Variants in LRP11 observed in about 807,000 individuals in gnomAD.
LRP11 encodes the protein LDL receptor related protein 11.
In LRP11, 25 loss-of-function variants were observed where a neutral mutation model predicts 43.1. The ratio of observed to expected loss-of-function variants is 0.58; its 90% CI spans 0.42 to 0.81. The LOEUF is 0.81. Ranked by LOEUF, LRP11 falls within the 30% of genes least tolerant of loss-of-function variation. LRP11 has a pLI of 0.00. For missense variants in LRP11, 623 were observed against 665.1 expected (o/e 0.94, Z 0.70); for synonymous variants, 316 against 299.4 (o/e 1.06, Z -0.57).
chr6:149,850,087 AG>A (rs1250351952), intron 2 of LRP11, among the ~76,000 whole-genome samples: 2 of 152,170 alleles, frequency 1.3e-5, no homozygotes, highest in African/African-American at 4.8e-5. Flanking sequence ...ATGGGCGCTC[AG>A]GGGAAAGCCC....
intron 2 of LRP11, among the ~76,000 whole-genome samples, chr6:149,848,046 T>C (rs1421443807): frequency 6.6e-6 from 1 of 152,186 alleles, no homozygotes; most frequent in East Asian, 1.9e-4. Flanking sequence ...CTGAAGTCAC[T>C]GCTGTAGACT....
intron 1 of LRP11, among the ~76,000 whole-genome samples, chr6:149,856,056 C>T (rs1776794586): frequency 1.3e-5 from 2 of 152,170 alleles, no homozygotes; most frequent in African/African-American, 2.4e-5. Flanking sequence ...CTTTATAATT[C>T]TGGAAAGCAT....
At chr6:149,863,084 C>A (rs1776949675) in intron 1 of LRP11, among the ~76,000 whole-genome samples, 1 of 152,152 alleles carries the variant, frequency 6.6e-6, no homozygotes, top group African/African-American at 2.4e-5. Flanking sequence ...ACAAACCATG[C>A]CTTATACAAC....
chr6:149,850,554 A>G (rs912392190), intron 2 of LRP11, among the ~76,000 whole-genome samples: 3 of 152,260 alleles, frequency 2.0e-5, no homozygotes, highest in Admixed American at 2.0e-4. Context: ...ACAGGCAATC[A>G]TGAATGCCAA....
chr6:149,840,383 C>CCT (rs2115388354), intron 3 of LRP11, among the ~76,000 whole-genome samples: 1 of 152,330 alleles, frequency 6.6e-6, no homozygotes, highest in African/African-American at 2.4e-5. Context: ...CCACACAAGA[C>CCT]CTATACTCAA....
intron 3 of LRP11, chr6:149,842,492 C>T (rs1417601150): frequency 1.4e-6 from 1 of 695,764 alleles, no homozygotes; most frequent in Non-Finnish European, 2.6e-6. Flanking sequence ...AACAGATCAC[C>T]AGAACCTGTT....
chr6:149,836,133 G>C lies in LRP11; in HGVS notation c.1204C>G (p.His402Asp). The change falls in exon 5 of 7, where the codon CAT (histidine) becomes GAT (aspartate). Residue 402 changes from histidine to aspartate, a missense_variant. Transcript: ENST00000239367. ...CTCTCTGGTCCCCAAAAGGCGGAATGATTCCTCTTCTCTGTGTTTGATAAT... is the reference window on the plus strand; with the variant it reads ...CTCTCTGGTCCCCAAAAGGCGGAATCATTCCTCTTCTCTGTGTTTGATAAT... Reference protein sequence around the residue: ...PALSNTEKRNHSAFWGPESQI... With the variant: ...PALSNTEKRNDSAFWGPESQI... 1 of 1,614,156 alleles carries C rather than the reference G, an allele frequency of 6.2e-7. No homozygotes were observed. Among genetic ancestry groups the C allele is most frequent in the Middle Eastern group, 1.6e-4 (1 of 6,062 alleles).
chr6:149,839,061 GT>G (rs869148170), intron 3 of LRP11, among the ~76,000 whole-genome samples: 154 of 136,958 alleles, frequency 1.1e-3, no homozygotes, highest in African/African-American at 1.8e-3. Flanking sequence ...GTTTTTTTTT[GT>G]TTTTTTTTTT....
Position 149,863,394 on chromosome 6 carries a change from A to G in LRP11, c.613+14T>C, listed in dbSNP as rs1776964220. 7.5e-7 allele frequency: 1 copy of G among 1,334,674 alleles called. No homozygotes were observed. Among genetic ancestry groups the G allele is most frequent in the Non-Finnish European group, 9.5e-7 (1 of 1,048,670 alleles). The allele number at this position is 1,334,674 out of a possible 1,614,324, so 82.7% of individuals were successfully genotyped here. A position where few individuals can be genotyped will look rare whatever the true frequency, so the allele number is the denominator to read the frequency against. ...GCGCTCTGGCCAAGGCCGGCCCCTC[A>G]GTCGCGCGCTTACCCTGCCGGGGCG... On this transcript the variant is annotated intron_variant, in intron 1 of 6. Coordinates refer to ENST00000239367, the MANE Select transcript of LRP11 (RefSeq NM_032832.6).
Position 149,819,874 on chromosome 6 carries a change from G to C in LRP11, c.*675C>G, listed in dbSNP as rs928583711. The C allele has an allele frequency of 1.3e-5, 2 of 152,126 alleles. No individual in the cohort carries two copies. Among genetic ancestry groups the C allele is most frequent in the African/African-American group, 2.4e-5 (1 of 41,412 alleles). The allele number at this position is 152,126 out of a possible 1,614,324, so 9.4% of individuals were successfully genotyped here. A position where few individuals can be genotyped will look rare whatever the true frequency, so the allele number is the denominator to read the frequency against. On this transcript the variant is annotated 3_prime_UTR_variant, in exon 7 of 7. Transcript: ENST00000239367. ...CCTATCTCACTGCATGACCATCTTA[G>C]AGCTGTTACTAATTCAAAGTCTGGG...
chr6:149,824,473 G>C (rs1024913610), intron 6 of LRP11, among the ~76,000 whole-genome samples: 1 of 152,140 alleles, frequency 6.6e-6, no homozygotes, highest in African/African-American at 2.4e-5. Context: ...CAACTTTCTA[G>C]CTCCTTCTAA....
At chr6:149,846,580 C>G (rs1206225154) in intron 2 of LRP11, among the ~76,000 whole-genome samples, 1 of 152,142 alleles carries the variant, frequency 6.6e-6, no homozygotes, top group South Asian at 2.1e-4. Context: ...GACGGGGATG[C>G]TGAGTCATGA....
chr6:149,825,030 T>G (rs1583075246), intron 6 of LRP11, among the ~76,000 whole-genome samples: 1 of 152,232 alleles, frequency 6.6e-6, no homozygotes, highest in East Asian at 1.9e-4. Flanking sequence ...ACAGGCTAAG[T>G]CCAGGAGGCC....
At chr6:149,837,203 T>C (rs1776484486) in intron 4 of LRP11, 135 bp downstream of exon 4, 1 of 925,922 alleles carries the variant, frequency 1.1e-6, no homozygotes, top group African/African-American at 1.7e-5. Flanking sequence ...ATTTAAGGCA[T>C]AGCTTTTACA....
chr6:149,837,140 C>G (rs1048493638), intron 4 of LRP11, among the ~76,000 whole-genome samples, 198 bp downstream of exon 4: 2 of 152,004 alleles, frequency 1.3e-5, no homozygotes, highest in African/African-American at 4.8e-5. Context: ...AAAACATAAG[C>G]AATACTAAAA....
intron 3 of LRP11, among the ~76,000 whole-genome samples, chr6:149,839,250 A>C (rs1776514295): frequency 6.6e-6 from 1 of 152,068 alleles, no homozygotes; most frequent in Admixed American, 6.6e-5. Flanking sequence ...AAAGGAGTCT[A>C]TCTTGGTGTG....
At chr6:149,862,313 G>A (rs1291051979) in intron 1 of LRP11, among the ~76,000 whole-genome samples, 3 of 152,072 alleles carry the variant, frequency 2.0e-5, no homozygotes, top group African/African-American at 7.2e-5. Flanking sequence ...GCTGAGCTCC[G>A]CCCCCATCTT....
At chr6:149,850,053 T>A (rs569182443) in intron 2 of LRP11, among the ~76,000 whole-genome samples, 3 of 152,158 alleles carry the variant, frequency 2.0e-5, no homozygotes, top group African/African-American at 7.2e-5. Flanking sequence ...AGAGGAGGGA[T>A]GAATGGCTCA....
chr6:149,863,421 G>A lies in LRP11; in HGVS notation c.600C>T (p.Ala200=). ...PDGAALATAR[A]SPRQEKDAPP... ...TCGCGCGCTTACCCTGCCGGGGCGA[G>A]GCGCGCGCGGTGGCCAGGGCGGCGC... Residue 200 remains alanine (A), a synonymous_variant, in exon 1 of 7, where the codon GCC becomes GCT. Transcript: ENST00000239367. 3 of 1,321,058 alleles carry A rather than the reference G, an allele frequency of 2.3e-6. No homozygotes were observed. The highest frequency in any genetic ancestry group is 2.9e-4 in the Middle Eastern group (1 of 3,428). The allele number at this position is 1,321,058 out of a possible 1,614,324, so 81.8% of individuals were successfully genotyped here.
Sources: gnomAD v4.1 joint callset for allele counts (sites outside exome capture counted in the v4.1 genomes callset) on GRCh38, gnomAD v4.1.1 for gene constraint, MANE v1.5 for transcripts, NCBI Gene and HGNC (gene_info 2026-07-23, HGNC 2026-07-21) for gene names.